The following GRIP1 variants were observed in gnomAD, a reference collection of about 807,000 sequenced individuals.
The protein encoded by GRIP1 is glutamate receptor-interacting protein 1.
GRIP1 carries 45 observed loss-of-function variants against 129.9 expected under a neutral mutation model. That is an observed-to-expected ratio of 0.35 (90% CI 0.27 to 0.44). The LOEUF is 0.44. Among genes scored for constraint, GRIP1 ranks in the 20% least tolerant of loss-of-function variants. The pLI is 1.00. For synonymous variants in GRIP1, 530 were observed against 520.8 expected, an observed-to-expected ratio of 1.02 and a Z score of -0.24; for missense variants, 1,196 against 1,396.8, an observed-to-expected ratio of 0.86 and a Z score of 2.29.
At chr12:66,634,853 G>T (rs1454369451) in intron 1 of GRIP1, among the ~76,000 whole-genome samples, 1 of 152,150 alleles carries the variant, frequency 6.6e-6, no homozygotes, top group East Asian at 1.9e-4. Context: ...TTCCAATGTT[G>T]GACTCTTCTT....
chr12:66,545,064 A>T (rs1360674267), intron 2 of GRIP1, among the ~76,000 whole-genome samples: 1 of 152,110 alleles, frequency 6.6e-6, no homozygotes, highest in Non-Finnish European at 1.5e-5. Context: ...GGAGCACTGT[A>T]CACTCTTTCA....
chr12:67,037,628 C>T (rs2043118234), intron 1 of GRIP1: 2 of 151,932 alleles, frequency 1.3e-5, no homozygotes, highest in Admixed American at 1.3e-4. Context: ...GTATTTCAAG[C>T]AAAAACAGTT....
At chr12:66,875,625 T>C (rs1434894287) in intron 1 of GRIP1, among the ~76,000 whole-genome samples, 1 of 152,066 alleles carries the variant, frequency 6.6e-6, no homozygotes, top group Admixed American at 6.6e-5. Context: ...TCTTCAAGGC[T>C]GTTGAAAGGT....
At chr12:66,546,711 A>C (rs2870851) in intron 2 of GRIP1, among the ~76,000 whole-genome samples, 107,467 of 151,984 alleles carry the variant, frequency 0.71, 38,916 homozygotes, top group African/African-American at 0.88. Flanking sequence ...CCACAACTTG[A>C]CCAGAGTTTC....
intron 15 of GRIP1, among the ~76,000 whole-genome samples, chr12:66,408,244 C>T (rs553622105): frequency 6.6e-6 from 1 of 152,006 alleles, no homozygotes; most frequent in African/African-American, 2.4e-5. Context: ...TTTGGGAGGC[C>T]GAGGTGGGTG....
chr12:66,607,536 T>G (rs1015531792), intron 1 of GRIP1, among the ~76,000 whole-genome samples: 5 of 152,216 alleles, frequency 3.3e-5, no homozygotes, highest in Non-Finnish European at 7.4e-5. Flanking sequence ...TGAGTGTTCA[T>G]GTAGCCAGAG....
At chr12:66,894,791 A>G (rs1363831634) in intron 1 of GRIP1, among the ~76,000 whole-genome samples, 1 of 152,202 alleles carries the variant, frequency 6.6e-6, no homozygotes, top group Non-Finnish European at 1.5e-5. Context: ...AGGCCTTCCA[A>G]TGGCAACTTT....
chr12:66,832,937 T>C (rs2039544489), intron 1 of GRIP1, among the ~76,000 whole-genome samples: 1 of 152,166 alleles, frequency 6.6e-6, no homozygotes. Flanking sequence ...ACCTAAACTT[T>C]CTGAGTTCTT....
chr12:66,374,800 G>C (rs2055706819), intron 22 of GRIP1, among the ~76,000 whole-genome samples: 1 of 152,156 alleles, frequency 6.6e-6, no homozygotes, highest in Admixed American at 6.6e-5. Context: ...TTTCAGGTAA[G>C]TATGTGAATC....
chr12:66,700,263 G>GCAA (rs1002820265), intron 1 of GRIP1, among the ~76,000 whole-genome samples: 2 of 152,140 alleles, frequency 1.3e-5, no homozygotes, highest in African/African-American at 4.8e-5. Flanking sequence ...GTATGCTGGA[G>GCAA]CAACAGGTGC....
chr12:66,814,944 C>G (rs1306469029), intron 1 of GRIP1, among the ~76,000 whole-genome samples: 2 of 152,088 alleles, frequency 1.3e-5, no homozygotes, highest in Non-Finnish European at 1.5e-5. Flanking sequence ...ATCACAAGAA[C>G]AGCATGGGGA....
upstream of GRIP1, among the ~76,000 whole-genome samples, chr12:66,806,455 A>T (rs2038995230): frequency 6.6e-6 from 1 of 152,158 alleles, no homozygotes; most frequent in Non-Finnish European, 1.5e-5. Flanking sequence ...CCCCAGAGAT[A>T]ATGCAGGCAA....
At chr12:66,624,086 T>C (rs1020339141) in intron 1 of GRIP1, among the ~76,000 whole-genome samples, 4 of 152,174 alleles carry the variant, frequency 2.6e-5, no homozygotes, top group Admixed American at 2.0e-4. Flanking sequence ...GAAATACAAT[T>C]TTATCCTCTA....
intron 2 of GRIP1, among the ~76,000 whole-genome samples, chr12:66,588,704 C>T (rs1341060937): frequency 2.6e-5 from 4 of 152,080 alleles, no homozygotes; most frequent in African/African-American, 9.7e-5. Flanking sequence ...GGTGCAGTGG[C>T]TTACGCTTGT....
intron 2 of GRIP1, among the ~76,000 whole-genome samples, chr12:66,581,056 G>C (rs140220033): frequency 0.3 from 44,777 of 151,284 alleles, 7,014 homozygotes; most frequent in African/African-American, 0.39. Context: ...ATAACAAACT[G>C]TCAGACCACA....
At chr12:66,677,637 A>C (rs1230851595) in intron 1 of GRIP1, among the ~76,000 whole-genome samples, 1 of 152,180 alleles carries the variant, frequency 6.6e-6, no homozygotes, top group African/African-American at 2.4e-5. Flanking sequence ...TTTCCCCCAA[A>C]GTACCTTTTA....
chr12:66,745,353 T>C (rs1361174083), intron 1 of GRIP1, among the ~76,000 whole-genome samples: 2 of 151,858 alleles, frequency 1.3e-5, no homozygotes, highest in Admixed American at 1.3e-4. Context: ...GTACATAGAG[T>C]AAATAAATTA....
At chr12:67,060,095 T>C (rs2135884235) in intron 1 of GRIP1, among the ~76,000 whole-genome samples, 1 of 152,330 alleles carries the variant, frequency 6.6e-6, no homozygotes, top group Non-Finnish European at 1.5e-5. Flanking sequence ...AATGTAGATC[T>C]GCATGTAACC....
chr12:66,654,036 A>C (rs2032982793), intron 1 of GRIP1, among the ~76,000 whole-genome samples: 1 of 152,172 alleles, frequency 6.6e-6, no homozygotes, highest in African/African-American at 2.4e-5. Context: ...ACAGAGGCTG[A>C]AAACGCTGTG....
Sources: gnomAD v4.1 joint callset for allele counts (sites outside exome capture counted in the v4.1 genomes callset) on GRCh38, gnomAD v4.1.1 for gene constraint, MANE v1.5 for transcripts, NCBI Gene and HGNC (gene_info 2026-07-23, HGNC 2026-07-21) for gene names.